ABL1: variants seen among roughly 807,000 people sequenced by gnomAD.
The protein encoded by ABL1 is tyrosine-protein kinase ABL1.
Under a neutral mutation model 94.7 loss-of-function variants are expected in ABL1, and 11 were observed. That is an observed-to-expected ratio of 0.12 (90% CI 0.07 to 0.19). ABL1 has a LOEUF of 0.19. Among genes scored for constraint, ABL1 ranks in the 10% least tolerant of loss-of-function variants. ABL1 has a pLI of 1.00. For missense variants in ABL1, 1,082 were observed against 1,489.4 expected (o/e 0.73, Z 4.50); for synonymous variants, 656 against 622.4 (o/e 1.05, Z -0.80).
At chr9:130,771,647 C>T (rs1832252611) in intron 1 of ABL1, among the ~76,000 whole-genome samples, 1 of 151,840 alleles carries the variant, frequency 6.6e-6, no homozygotes, top group Non-Finnish European at 1.5e-5. Context: ...TTATTTTTAA[C>T]CTAATGTGTT....
In ABL1 at chr9:130,880,350, A is replaced by C; in HGVS notation, c.1514-150A>C. Reference sequence around the variant, plus strand: ...GCCCTGCAGAGTTCTAAGAAATGCTAAGGGCTGTTTCTCCGGTATCCACGT... The same window carrying C: ...GCCCTGCAGAGTTCTAAGAAATGCTCAGGGCTGTTTCTCCGGTATCCACGT... On this transcript the variant is annotated intron_variant, in intron 9 of 10. Coordinates refer to ENST00000318560, the MANE Select transcript of ABL1 (RefSeq NM_005157.6). This position sits in a 1 kb window ranked among gnomAD's most constrained non-coding sequence, Gnocchi z 4.4. 1 of 1,075,678 alleles carries C rather than the reference A, an allele frequency of 9.3e-7. No homozygotes were observed. The highest frequency in any genetic ancestry group is 1.3e-6 in the Non-Finnish European group (1 of 740,766). 66.6% of individuals were successfully genotyped at this position (1,075,678 alleles called of 1,614,324 possible).
intron 1 of ABL1, among the ~76,000 whole-genome samples, chr9:130,843,527 C>G (rs1830710889): frequency 6.6e-6 from 1 of 152,084 alleles, no homozygotes; most frequent in South Asian, 2.1e-4. Context: ...CCACCCAGAG[C>G]CCATGCTTTT....
chr9:130,871,573 C>A (rs1323446630), intron 4 of ABL1, among the ~76,000 whole-genome samples: 17 of 152,234 alleles, frequency 1.1e-4, no homozygotes, highest in Non-Finnish European at 2.5e-4. Context: ...TAAGAGCCCA[C>A]GACCACGTGC....
chr9:130,779,229 C>T (rs1312911062), intron 1 of ABL1, among the ~76,000 whole-genome samples: 1 of 152,146 alleles, frequency 6.6e-6, no homozygotes, highest in Admixed American at 6.5e-5. Context: ...AGAGTGGCAG[C>T]GACTGCACCG....
In ABL1 at chr9:130,771,240, G is replaced by GTGTATGTATGTATGTA. The variant is rs60782706; in HGVS notation, c.136+56798_136+56813dup. Among the ~76,000 whole-genome samples, 932 of 151,802 alleles carry GTGTATGTATGTATGTA rather than the reference G, an allele frequency of 6.1e-3. 10 individuals carry two copies. Among genetic ancestry groups the GTGTATGTATGTATGTA allele is most frequent in the African/African-American group, 0.021 (877 of 41,336 alleles). On this transcript the variant is annotated intron_variant, in intron 1 of 10. Transcript: ENST00000372348. ...TGTATGTATGTATGTATGTGTGTGT[G>GTGTATGTATGTATGTA]TGTATGTATGTATGTATGTATGTAT...
chr9:130,774,551 C>T lies in ABL1; in HGVS notation c.136+60096C>T, dbSNP rs948943160. On this transcript the variant is annotated intron_variant, in intron 1 of 10. Coordinates refer to the ABL1 transcript ENST00000372348. ...ATTTAAAAAAGAAACTTGCCAGGCA[C>T]GGTGGCTCATGCCTGTGATTCTAGC... is the stretch of plus-strand genomic sequence containing the variant. Among the ~76,000 whole-genome samples the T allele has an allele frequency of 2.6e-5, 4 of 152,170 alleles. 1 individual carries two copies. The highest frequency in any genetic ancestry group is 4.2e-4 in the South Asian group (2 of 4,816).
chr9:130,879,873 A>G (rs1588280708), intron 8 of ABL1, among the ~76,000 whole-genome samples, 195 bp from the exon 9 acceptor site: 2 of 152,250 alleles, frequency 1.3e-5, no homozygotes, highest in Non-Finnish European at 2.9e-5. Context: ...TATTCCTGCC[A>G]GCATCTAACG....
chr9:130,733,869 T>C (rs1051342411), intron 1 of ABL1, among the ~76,000 whole-genome samples: 1 of 151,702 alleles, frequency 6.6e-6, no homozygotes, highest in South Asian at 2.1e-4. Flanking sequence ...GGGTTACAGG[T>C]GTGAGCCACT....
At chr9:130,865,250 G>T in intron 4 of ABL1, among the ~76,000 whole-genome samples, 1 of 152,166 alleles carries the variant, frequency 6.6e-6, no homozygotes. Flanking sequence ...GGATTTCTGT[G>T]GGCAGTCACC....
intron 1 of ABL1, among the ~76,000 whole-genome samples, chr9:130,809,417 A>AGAGAGAGAGTGT (rs1389499231): frequency 5.3e-4 from 45 of 84,404 alleles, no homozygotes; most frequent in Non-Finnish European, 1.0e-3. Context: ...AGAGAGAGAG[A>AGAGAGAGAGTGT]GTGTGTGTGT....
At chr9:130,838,083 A>G (rs767492472) in intron 1 of ABL1, among the ~76,000 whole-genome samples, 4 of 152,202 alleles carry the variant, frequency 2.6e-5, no homozygotes, top group African/African-American at 4.8e-5. Context: ...TTATTACTCT[A>G]TGTGATCTGA....
rs1832217271 is a variant in ABL1 at position 130,768,919 on chromosome 9, C to T, written c.136+54464C>T. Among the ~76,000 whole-genome samples, 3 of 151,928 alleles carry T rather than the reference C, an allele frequency of 2.0e-5. No homozygotes were observed. The South Asian group carries it at 6.2e-4, about 32-fold the overall frequency. ...TGTGGATTGATGTGTTCAATGTGTT[C>T]AATGGAAAAGCAAGGGTAATATAAT... On this transcript the variant is annotated intron_variant, in intron 1 of 10. Transcript: ENST00000372348.
In ABL1 at chr9:130,880,530, T is replaced by C. The variant is rs776483252; in HGVS notation, c.1544T>C (p.Val515Ala). The change falls in exon 10 of 11, where the codon GTC becomes GCC. Residue 515 changes from valine (V) to alanine (A), a missense_variant. This residue lies in a region of ABL1 where 780 missense variants were observed against 835.8 expected (regional missense o/e 0.93). Transcript: ENST00000318560. This position sits in a 1 kb window ranked among gnomAD's most constrained non-coding sequence, Gnocchi z 4.4. ...GAAAAGGAGCTGGGGAAACAAGGCGTCCGTGGGGCTGTGAGTACCTTGCTG... is the reference window on the plus strand; with the variant it reads ...GAAAAGGAGCTGGGGAAACAAGGCGCCCGTGGGGCTGTGAGTACCTTGCTG... ...EVEKELGKQG[V>A]RGAVSTLLQA... 6.2e-7 allele frequency: 1 copy of C among 1,613,868 alleles called. No individual in the cohort carries two copies. The highest frequency in any genetic ancestry group is 2.2e-5 in the East Asian group (1 of 44,876).
chr9:130,726,172 A>T lies in ABL1; in HGVS notation c.136+11717A>T, dbSNP rs72765020. Among the ~76,000 whole-genome samples the T allele has an allele frequency of 7.7e-3, 1,094 of 142,620 alleles. 6 individuals carry two copies. Among genetic ancestry groups the T allele is most frequent in the Non-Finnish European group, 0.011 (736 of 66,586 alleles). The allele number at this position is 142,620 out of a possible 152,430, so 93.6% of individuals were successfully genotyped here. ...GACCTGATATTTTAATATTTTTTTT[A>T]AAAAAGTGTAATATGCATACAGAAA... is the stretch of plus-strand genomic sequence containing the variant. On this transcript the variant is annotated intron_variant, in intron 1 of 10. Coordinates refer to the ABL1 transcript ENST00000372348.
At chr9:130,780,744 C>G (rs1829745015) in intron 1 of ABL1, among the ~76,000 whole-genome samples, 2 of 152,178 alleles carry the variant, frequency 1.3e-5, no homozygotes, top group South Asian at 4.1e-4. Context: ...TGTTTCCATT[C>G]TTTTCTTACC....
intron 1 of ABL1, among the ~76,000 whole-genome samples, chr9:130,728,998 A>G (rs1831627604): frequency 6.6e-6 from 1 of 152,164 alleles, no homozygotes; most frequent in African/African-American, 2.4e-5. Context: ...TTTGACAAGT[A>G]GTTAGGTTAC....
chr9:130,824,146 A>C (rs1830397924), intron 1 of ABL1, among the ~76,000 whole-genome samples: 1 of 152,136 alleles, frequency 6.6e-6, no homozygotes, highest in Admixed American at 6.5e-5. Context: ...TTGGCTCATG[A>C]GATGATGGAG....
At chr9:130,827,780 A>T (rs1226911092) in intron 1 of ABL1, among the ~76,000 whole-genome samples, 1 of 151,928 alleles carries the variant, frequency 6.6e-6, no homozygotes, top group Non-Finnish European at 1.5e-5. Flanking sequence ...CTGTAATCCC[A>T]GCTATTGGGA....
chr9:130,730,785 T>C (rs1041941423), intron 1 of ABL1, among the ~76,000 whole-genome samples: 19 of 151,904 alleles, frequency 1.3e-4, no homozygotes, highest in Non-Finnish European at 2.9e-5. Context: ...TGGCCCAGGC[T>C]GGTCTCAAAC....
Sources: allele counts gnomAD v4.1 joint callset (sites outside exome capture counted in the v4.1 genomes callset), GRCh38; gene constraint gnomAD v4.1.1; regional missense constraint gnomAD v4.1.1; non-coding constraint Gnocchi (gnomAD v3.1); transcripts MANE v1.5; gene names NCBI Gene and HGNC (gene_info 2026-07-23, HGNC 2026-07-21).